The following ASTN2 variants were observed in gnomAD, a reference collection of about 807,000 sequenced individuals.
ASTN2 encodes astrotactin-2.
In ASTN2, 54 loss-of-function variants were observed where a neutral mutation model predicts 139.8. That is an observed-to-expected ratio of 0.39 (90% CI 0.31 to 0.48). The LOEUF (loss-of-function observed/expected upper bound fraction) is 0.48. Ranked by LOEUF, ASTN2 falls within the 20% of genes least tolerant of loss-of-function variation. The pLI is 0.95. For missense variants in ASTN2, 1,565 were observed against 1,725.1 expected, an observed-to-expected ratio of 0.91 and a Z score of 1.64; for synonymous variants, 756 against 719.5, an observed-to-expected ratio of 1.05 and a Z score of -0.81.
intron 5 of ASTN2, among the ~76,000 whole-genome samples, chr9:117,042,266 G>A (rs1167880772): frequency 6.6e-6 from 1 of 152,122 alleles, no homozygotes; most frequent in Non-Finnish European, 1.5e-5. Context: ...TTGCCTGTAT[G>A]GAAATCTATT....
At chr9:117,313,938 T>C (rs1201301353) in intron 1 of ASTN2, among the ~76,000 whole-genome samples, 1 of 152,194 alleles carries the variant, frequency 6.6e-6, no homozygotes, top group Non-Finnish European at 1.5e-5. Context: ...CTTACCTCCA[T>C]GCTTCCTAAA....
intron 10 of ASTN2, among the ~76,000 whole-genome samples, chr9:116,868,447 C>G (rs535029783): frequency 6.6e-6 from 1 of 152,040 alleles, no homozygotes; most frequent in African/African-American, 2.4e-5. Flanking sequence ...CAGTAAGGCC[C>G]GTAAGAATGT....
chr9:117,053,700 G>A (rs1334071), intron 5 of ASTN2, among the ~76,000 whole-genome samples: 70,696 of 151,830 alleles, frequency 0.47, 16,891 homozygotes, highest in East Asian at 0.68. Flanking sequence ...CTAAGGAAGC[G>A]GGACCCAAGG....
At chr9:116,718,972 G>GTGTATATATATATATATATATATA (rs56991546) in intron 16 of ASTN2, among the ~76,000 whole-genome samples, 2 of 100,040 alleles carry the variant, frequency 2.0e-5, no homozygotes, top group Non-Finnish European at 2.0e-5. Context: ...ACCTGTATCT[G>GTGTATATATATATATATATATATA]TACATATATA....
At chr9:117,082,228 T>C (rs1828447199) in intron 5 of ASTN2, among the ~76,000 whole-genome samples, 1 of 152,090 alleles carries the variant, frequency 6.6e-6, no homozygotes, top group East Asian at 1.9e-4. Context: ...AGTCTCTTTC[T>C]CTCCTGAACA....
chr9:116,628,968 A>C (rs912485040), intron 17 of ASTN2, among the ~76,000 whole-genome samples: 1 of 152,210 alleles, frequency 6.6e-6, no homozygotes, highest in African/African-American at 2.4e-5. Context: ...CAGTTTTTGA[A>C]GAAAGAGAGG....
chr9:117,006,740 C>T (rs1837363834), intron 7 of ASTN2, among the ~76,000 whole-genome samples: 1 of 152,036 alleles, frequency 6.6e-6, no homozygotes, highest in Non-Finnish European at 1.5e-5. Flanking sequence ...CCACCATGCC[C>T]CCAAACTTCT....
At chr9:116,955,883 T>G (rs1276030256) in intron 10 of ASTN2, among the ~76,000 whole-genome samples, 3 of 152,204 alleles carry the variant, frequency 2.0e-5, no homozygotes, top group Admixed American at 1.3e-4. Context: ...CATCTCTGCA[T>G]GCAGGAGTTT....
intron 20 of ASTN2, among the ~76,000 whole-genome samples, chr9:116,470,072 T>C (rs1485222822): frequency 1.3e-5 from 2 of 151,910 alleles, no homozygotes; most frequent in African/African-American, 4.8e-5. Context: ...GGCATGGTGG[T>C]GGGCACCTGT....
chr9:116,895,328 T>C (rs1386969924), intron 10 of ASTN2, among the ~76,000 whole-genome samples: 2 of 152,244 alleles, frequency 1.3e-5, no homozygotes, highest in African/African-American at 4.8e-5. Context: ...TTTATGTCTA[T>C]GCAAATATTC....
Position 116,451,020 on chromosome 9 carries a change from C to T in ASTN2, c.3498-8467G>A, listed in dbSNP as rs545244711. Among the ~76,000 whole-genome samples, 7 of 152,254 alleles carry T rather than the reference C, an allele frequency of 4.6e-5. No individual in the cohort carries two copies. In the South Asian group the frequency reaches 1.5e-3, roughly 32 times the overall value. ...CAAACACCAGCTCCCCACACTTGCA[C>T]TCCCTTCAACCTCTCAAGCTGTATG... is the stretch of plus-strand genomic sequence containing the variant. On this transcript the variant is annotated intron_variant, in intron 20 of 22. Coordinates refer to ENST00000313400, the MANE Select transcript of ASTN2 (RefSeq NM_001365068.1).
intron 1 of ASTN2, among the ~76,000 whole-genome samples, chr9:117,332,557 C>G (rs778725996): frequency 1.3e-5 from 2 of 152,066 alleles, no homozygotes; most frequent in African/African-American, 2.4e-5. Context: ...CAGTGAGACT[C>G]CATCTCAAAC....
chr9:117,115,322 G>A (rs1377918055), intron 4 of ASTN2, among the ~76,000 whole-genome samples: 1 of 151,704 alleles, frequency 6.6e-6, no homozygotes, highest in African/African-American at 2.4e-5. Context: ...TTCAAGACCA[G>A]CATGGCCAAC....
chr9:117,055,502 A>T (rs1264378428), intron 5 of ASTN2, among the ~76,000 whole-genome samples: 1 of 151,742 alleles, frequency 6.6e-6, no homozygotes, highest in Non-Finnish European at 1.5e-5. Flanking sequence ...ACATAAAAAA[A>T]GATCTGAAGA....
At position 116,921,543 on chromosome 9, in the gene ASTN2, G is replaced by A. The variant is rs1049367951; in HGVS notation, c.1889+53665C>T. Among the ~76,000 whole-genome samples the A allele has an allele frequency of 8.7e-5, 13 of 149,628 alleles. 1 individual carries two copies. The South Asian group carries it at 2.8e-3, about 32-fold the overall frequency. ...GCGGAGCTTGCAGTGAGCCGAGATT[G>A]GACCACTGTACTCCAGCCTGGGCGA... On this transcript the variant is annotated intron_variant, in intron 10 of 22. Transcript: ENST00000313400.
At chr9:116,763,156 T>G (rs1425210301) in intron 13 of ASTN2, among the ~76,000 whole-genome samples, 1 of 152,162 alleles carries the variant, frequency 6.6e-6, no homozygotes, top group Admixed American at 6.5e-5. Context: ...ACAAACTGTG[T>G]GAGGGTAGAG....
intron 19 of ASTN2, among the ~76,000 whole-genome samples, chr9:116,595,829 G>C (rs1476582490): frequency 6.6e-6 from 1 of 152,112 alleles, no homozygotes; most frequent in South Asian, 2.1e-4. Context: ...ATCACTGTTG[G>C]GAATGTAGAA....
intron 1 of ASTN2, among the ~76,000 whole-genome samples, chr9:117,293,446 A>C (rs1587919453): frequency 3.1e-5 from 2 of 63,554 alleles, no homozygotes; most frequent in African/African-American, 7.0e-5. Context: ...GAACATAGTA[A>C]GTTATTAGGC....
intron 6 of ASTN2, among the ~76,000 whole-genome samples, chr9:117,034,412 C>T (rs1382304899): frequency 6.6e-6 from 1 of 152,102 alleles, no homozygotes; most frequent in Non-Finnish European, 1.5e-5. Flanking sequence ...ATATCCAATG[C>T]TAATGATAGT....
Sources: allele counts gnomAD v4.1 joint callset (sites outside exome capture counted in the v4.1 genomes callset), GRCh38; gene constraint gnomAD v4.1.1; transcripts MANE v1.5; gene names NCBI Gene and HGNC (gene_info 2026-07-23, HGNC 2026-07-21).